The following OXCT1 variants were observed in gnomAD, a reference collection of about 807,000 sequenced individuals.
OXCT1 encodes 3-oxoacid CoA-transferase 1.
In OXCT1, 27 loss-of-function variants were observed where a neutral mutation model predicts 69.6. The ratio of observed to expected loss-of-function variants is 0.39; its 90% CI spans 0.29 to 0.54. OXCT1 has a LOEUF of 0.54. Ranked by LOEUF, OXCT1 falls within the 20% of genes least tolerant of loss-of-function variation. The pLI is 0.72. For synonymous variants in OXCT1, 202 were observed against 217.8 expected (o/e 0.93, Z 0.64); for missense variants, 437 against 650.2 (o/e 0.67, Z 3.57).
intron 13 of OXCT1, among the ~76,000 whole-genome samples, chr5:41,785,419 A>G (rs1248061840): frequency 1.3e-5 from 2 of 152,244 alleles, no homozygotes; most frequent in African/African-American, 2.4e-5. Flanking sequence ...GAATTGGCAA[A>G]TATGCTGGAA....
chr5:41,849,852 C>T (rs754921805), intron 5 of OXCT1, among the ~76,000 whole-genome samples, 178 bp downstream of exon 5: 9 of 152,130 alleles, frequency 5.9e-5, no homozygotes, highest in East Asian at 1.9e-4. Context: ...AGTTTCTCTA[C>T]GTGATTTTAA....
intron 13 of OXCT1, among the ~76,000 whole-genome samples, chr5:41,765,615 T>C (rs1293931654): frequency 6.6e-6 from 1 of 152,182 alleles, no homozygotes; most frequent in African/African-American, 2.4e-5. Flanking sequence ...GAAGGGGATC[T>C]GAGCAAAGCT....
chr5:41,759,090 G>GA (rs71608623), intron 14 of OXCT1, among the ~76,000 whole-genome samples: 27,394 of 117,410 alleles, frequency 0.23, 2,690 homozygotes, highest in Middle Eastern at 0.31. Flanking sequence ...CAGGGAAAAT[G>GA]AAAAAAAAAA....
chr5:41,817,315 A>G (rs1747297631), intron 7 of OXCT1, among the ~76,000 whole-genome samples: 2 of 152,192 alleles, frequency 1.3e-5, no homozygotes, highest in South Asian at 4.1e-4. Flanking sequence ...CCCTAACATC[A>G]TCTAATACTA....
intron 1 of OXCT1, among the ~76,000 whole-genome samples, chr5:41,863,669 G>A (rs1390459965): frequency 6.6e-6 from 1 of 152,140 alleles, no homozygotes; most frequent in East Asian, 1.9e-4. Flanking sequence ...AAGAATGAAA[G>A]TAGAAAGAAA....
intron 7 of OXCT1, among the ~76,000 whole-genome samples, chr5:41,834,464 T>C (rs187835245): frequency 1.1e-3 from 122 of 108,882 alleles, no homozygotes; most frequent in African/African-American, 4.2e-3. Context: ...TGGAAAAATA[T>C]ATCCCATGCC....
intron 3 of OXCT1, among the ~76,000 whole-genome samples, chr5:41,856,652 C>T (rs1749443134): frequency 6.6e-6 from 1 of 152,192 alleles, no homozygotes; most frequent in Non-Finnish European, 1.5e-5. Context: ...ACGTGTTTTG[C>T]ACCCCTAGCC....
chr5:41,833,014 T>C lies in OXCT1; in HGVS notation c.732+7437A>G, dbSNP rs186241135. 8.2e-4 allele frequency among the ~76,000 whole-genome samples: 124 copies of C among 151,912 alleles called. 1 individual carries two copies. The Middle Eastern group carries it at 0.017, about 21-fold the overall frequency. On this transcript the variant is annotated intron_variant, in intron 7 of 16. Transcript: ENST00000196371. ...AAGCACACCTACAATATCTAGAAAA[T>C]AGCCTCGAAAGGGCCAATACTAAGA...
intron 7 of OXCT1, among the ~76,000 whole-genome samples, chr5:41,816,969 A>G (rs1747275888): frequency 6.6e-6 from 1 of 152,212 alleles, no homozygotes. Context: ...CTCATTATTT[A>G]TAGTTGACAA....
At chr5:41,752,812 T>C (rs887172098) in intron 14 of OXCT1, among the ~76,000 whole-genome samples, 2 of 152,048 alleles carry the variant, frequency 1.3e-5, no homozygotes, top group African/African-American at 4.8e-5. Context: ...AATATGCCCT[T>C]ACTTATTAAC....
intron 7 of OXCT1, among the ~76,000 whole-genome samples, chr5:41,838,770 C>A (rs973445560): frequency 1.3e-5 from 2 of 152,056 alleles, no homozygotes; most frequent in African/African-American, 4.8e-5. Context: ...GACTTAGGCA[C>A]ATGCCACCAC....
At chr5:41,864,796 A>C (rs1176380989) in intron 1 of OXCT1, among the ~76,000 whole-genome samples, 1 of 152,050 alleles carries the variant, frequency 6.6e-6, no homozygotes, top group Non-Finnish European at 1.5e-5. Flanking sequence ...TCCACTTCTC[A>C]TTTTTTGATA....
intron 13 of OXCT1, among the ~76,000 whole-genome samples, chr5:41,768,756 G>C (rs906845916): frequency 6.6e-6 from 1 of 152,122 alleles, no homozygotes; most frequent in African/African-American, 2.4e-5. Context: ...GTCCAGCTTT[G>C]TCCCTCTCTG....
intron 14 of OXCT1, 140 bp downstream of exon 14, chr5:41,761,971 T>G (rs2112101124): frequency 1.4e-6 from 1 of 722,108 alleles, no homozygotes; most frequent in Non-Finnish European, 2.6e-6. Context: ...TTTGTCATCT[T>G]TCTCTCTCAA....
intron 15 of OXCT1, among the ~76,000 whole-genome samples, chr5:41,741,746 T>C (rs1579635887): frequency 6.6e-6 from 1 of 152,314 alleles, no homozygotes; most frequent in African/African-American, 2.4e-5. Context: ...GAAAAGAGGG[T>C]TGAAATGTAA....
chr5:41,817,311 C>T (rs1376429731), intron 7 of OXCT1, among the ~76,000 whole-genome samples: 1 of 152,162 alleles, frequency 6.6e-6, no homozygotes, highest in East Asian at 1.9e-4. Context: ...TCAGCCCTAA[C>T]ATCATCTAAT....
At chr5:41,837,649 C>T (rs1432401970) in intron 7 of OXCT1, among the ~76,000 whole-genome samples, 1 of 151,196 alleles carries the variant, frequency 6.6e-6, no homozygotes, top group African/African-American at 2.4e-5. Context: ...AAAAAAACTC[C>T]TTATTTGCTT....
chr5:41,785,069 A>G (rs928993311), intron 13 of OXCT1, among the ~76,000 whole-genome samples: 1 of 152,196 alleles, frequency 6.6e-6, no homozygotes, highest in Non-Finnish European at 1.5e-5. Context: ...TAAATAGCTT[A>G]TGTTTCTAAT....
At chr5:41,794,772 G>C in intron 11 of OXCT1, 23 bp from the exon 12 acceptor site, 3 of 1,603,434 alleles carry the variant, frequency 1.9e-6, no homozygotes, top group Non-Finnish European at 2.6e-6. Context: ...ACACACAAAA[G>C]AAAGAAAAGG....
Sources: gnomAD v4.1 joint callset for allele counts (sites outside exome capture counted in the v4.1 genomes callset) on GRCh38, gnomAD v4.1.1 for gene constraint, MANE v1.5 for transcripts, NCBI Gene and HGNC (gene_info 2026-07-23, HGNC 2026-07-21) for gene names.